VEPH1: variants seen among roughly 807,000 people sequenced by gnomAD.
The protein encoded by VEPH1 is ventricular zone-expressed PH domain-containing protein homolog 1.
Under a neutral mutation model 85.2 loss-of-function variants are expected in VEPH1, and 80 were observed. The observed-to-expected ratio is 0.94, with a 90% CI of 0.78 to 1.13. VEPH1 has a LOEUF of 1.13. Ranked by LOEUF, VEPH1 falls within the 50% of genes most tolerant of loss-of-function variation. The probability of loss-of-function intolerance (pLI) is 0.00; values close to 1 mark genes in which losing one functional copy is unlikely to be tolerated. For missense variants in VEPH1, 955 were observed against 980.5 expected (o/e 0.97, Z 0.35); for synonymous variants, 297 against 348.0 (o/e 0.85, Z 1.63).
chr3:157,287,153 G>C (rs1348413948), intron 11 of VEPH1, among the ~76,000 whole-genome samples: 2 of 152,086 alleles, frequency 1.3e-5, no homozygotes, highest in East Asian at 3.9e-4. Flanking sequence ...CAGGCAGATT[G>C]CCTGAACTCA....
At chr3:157,279,680 A>G (rs2108333105) in intron 12 of VEPH1, among the ~76,000 whole-genome samples, 1 of 152,292 alleles carries the variant, frequency 6.6e-6, no homozygotes, top group South Asian at 2.1e-4. Context: ...GAGGCAAAAT[A>G]TGACCATCCT....
Position 157,428,386 on chromosome 3 carries a change from T to C in VEPH1, c.632A>G (p.Glu211Gly). 6.2e-7 allele frequency: 1 copy of C among 1,614,186 alleles called. No homozygotes were observed. Among genetic ancestry groups the C allele is most frequent in the Non-Finnish European group, 8.5e-7 (1 of 1,180,020 alleles). Residue 211 changes from glutamate to glycine, a missense_variant, in exon 5 of 14, where the codon GAA (glutamate) becomes GGA (glycine). Transcript: ENST00000362010. ...TELLALMSQL[E>G]QPEQYHLLRL... ...TAGTAGATGGTACTGTTCTGGCTGT[T>C]CCAGCTGAGACATCAAGGCCAGGAG...
At chr3:157,483,627 C>T (rs1388825895) in intron 2 of VEPH1, among the ~76,000 whole-genome samples, 1 of 151,092 alleles carries the variant, frequency 6.6e-6, no homozygotes, top group Non-Finnish European at 1.5e-5. Flanking sequence ...TGGATGAAAC[C>T]GTGGATGGAT....
chr3:157,369,190 A>AAC (rs1553773081), intron 7 of VEPH1, among the ~76,000 whole-genome samples: 33 of 145,338 alleles, frequency 2.3e-4, no homozygotes, highest in African/African-American at 7.8e-4. Flanking sequence ...GAAAAAAAAA[A>AAC]AAAAAAAAAA....
rs556027815 is a variant in VEPH1 at position 157,372,432 on chromosome 3, A to C, written c.1128-7920T>G. On this transcript the variant is annotated intron_variant, in intron 7 of 13. Coordinates refer to ENST00000362010, the MANE Select transcript of VEPH1 (RefSeq NM_001167912.2). ...TTTATCTAACAGCCTTCAGGCTGCC[A>C]ACTAATGAAAAGCCTATCTTTTGCT... Among the ~76,000 whole-genome samples the C allele has an allele frequency of 2.4e-4, 37 of 152,372 alleles. 2 individuals carry two copies. In the South Asian group the frequency reaches 7.5e-3, roughly 31 times the overall value.
At chr3:157,353,899 T>G (rs1725151229) in intron 9 of VEPH1, among the ~76,000 whole-genome samples, 1 of 152,038 alleles carries the variant, frequency 6.6e-6, no homozygotes, top group Non-Finnish European at 1.5e-5. Flanking sequence ...ACTCAAAAAT[T>G]TTGTAGAATG....
intron 11 of VEPH1, among the ~76,000 whole-genome samples, chr3:157,300,311 G>A (rs907091892): frequency 9.9e-5 from 15 of 152,130 alleles, no homozygotes; most frequent in South Asian, 2.1e-4. Context: ...GAGTTATTTC[G>A]TTAACTATTT....
At chr3:157,428,105 C>A (rs1350218061) in intron 5 of VEPH1, among the ~76,000 whole-genome samples, 1 of 152,182 alleles carries the variant, frequency 6.6e-6, no homozygotes, top group Non-Finnish European at 1.5e-5. Flanking sequence ...TTTTCCTTGG[C>A]ATCTAGCTCG....
chr3:157,425,269 C>T (rs1198828363), intron 5 of VEPH1, among the ~76,000 whole-genome samples: 22 of 152,236 alleles, frequency 1.4e-4, no homozygotes, highest in Non-Finnish European at 1.5e-5. Flanking sequence ...ATGGAAATGC[C>T]TGGATGTCCA....
intron 4 of VEPH1, among the ~76,000 whole-genome samples, chr3:157,439,359 A>G (rs1415883684): frequency 3.3e-5 from 5 of 152,186 alleles, no homozygotes; most frequent in African/African-American, 7.2e-5. Context: ...TTTTACCCAT[A>G]TGCTTTGATT....
chr3:157,331,917 C>T (rs1722545828), intron 9 of VEPH1, among the ~76,000 whole-genome samples: 1 of 152,214 alleles, frequency 6.6e-6, no homozygotes, highest in Non-Finnish European at 1.5e-5. Flanking sequence ...TGCTACACAA[C>T]CTGGGCTCAA....
chr3:157,421,471 A>G (rs757993505), intron 5 of VEPH1, among the ~76,000 whole-genome samples: 5 of 152,198 alleles, frequency 3.3e-5, no homozygotes, highest in Non-Finnish European at 5.9e-5. Flanking sequence ...ACAAAGTCAA[A>G]ACCTCCTTAG....
intron 6 of VEPH1, among the ~76,000 whole-genome samples, chr3:157,407,072 A>G (rs1731195951): frequency 6.6e-6 from 1 of 152,150 alleles, no homozygotes. Flanking sequence ...GAGGGCTATA[A>G]TAACGATAAT....
At chr3:157,395,997 G>A (rs2108948502) in intron 6 of VEPH1, among the ~76,000 whole-genome samples, 1 of 152,276 alleles carries the variant, frequency 6.6e-6, no homozygotes, top group East Asian at 1.9e-4. Flanking sequence ...ATAGGTAAAT[G>A]TGTGCCATAG....
chr3:157,417,509 C>A (rs1732014419), intron 5 of VEPH1, among the ~76,000 whole-genome samples: 1 of 152,194 alleles, frequency 6.6e-6, no homozygotes, highest in Admixed American at 6.5e-5. Context: ...TACCTCAGGT[C>A]TCTCTTAGAG....
chr3:157,458,929 C>T (rs1735596800), intron 4 of VEPH1, among the ~76,000 whole-genome samples: 2 of 152,132 alleles, frequency 1.3e-5, no homozygotes, highest in Non-Finnish European at 2.9e-5. Flanking sequence ...CAGATGGTGG[C>T]TCTAGGTGTG....
chr3:157,394,312 T>A (rs1350251341), intron 6 of VEPH1, among the ~76,000 whole-genome samples: 1 of 152,238 alleles, frequency 6.6e-6, no homozygotes, highest in East Asian at 1.9e-4. Flanking sequence ...AGAAGGCAAG[T>A]GCAATAATAT....
chr3:157,371,214 T>A (rs1467290294), intron 7 of VEPH1, among the ~76,000 whole-genome samples: 1 of 152,194 alleles, frequency 6.6e-6, no homozygotes, highest in Non-Finnish European at 1.5e-5. Flanking sequence ...AGAGGGACTC[T>A]CCTACTCCAT....
chr3:157,292,147 T>A (rs1165829497), intron 11 of VEPH1, among the ~76,000 whole-genome samples: 1 of 152,162 alleles, frequency 6.6e-6, no homozygotes, highest in Non-Finnish European at 1.5e-5. Context: ...CCCAGGCTAG[T>A]CTTAGATGCT....
Sources: gnomAD v4.1 joint callset for allele counts (sites outside exome capture counted in the v4.1 genomes callset) on GRCh38, gnomAD v4.1.1 for gene constraint, MANE v1.5 for transcripts, NCBI Gene and HGNC (gene_info 2026-07-23, HGNC 2026-07-21) for gene names.